TTC39B: variants seen among roughly 807,000 people sequenced by gnomAD.
The protein encoded by TTC39B is tetratricopeptide repeat protein 39B.
In TTC39B, 92 loss-of-function variants were observed where a neutral mutation model predicts 96.6. The observed-to-expected ratio is 0.95, with a 90% CI of 0.80 to 1.13. The LOEUF (loss-of-function observed/expected upper bound fraction) is 1.13, where lower values mean the gene tolerates loss of function less well. TTC39B is among the 50% of genes most tolerant of loss of function. TTC39B has a pLI of 0.00. For synonymous variants in TTC39B, 367 were observed against 299.4 expected, an observed-to-expected ratio of 1.23 and a Z score of -2.33; for missense variants, 955 against 809.3, an observed-to-expected ratio of 1.18 and a Z score of -2.18.
intron 13 of TTC39B, among the ~76,000 whole-genome samples, chr9:15,188,879 A>T (rs1818688927): frequency 1.3e-5 from 2 of 152,172 alleles, no homozygotes; most frequent in Non-Finnish European, 2.9e-5. Flanking sequence ...TGTGCACAGA[A>T]ATATACATAC....
At chr9:15,271,996 G>A (rs1273886597) in intron 1 of TTC39B, among the ~76,000 whole-genome samples, 3 of 152,188 alleles carry the variant, frequency 2.0e-5, no homozygotes, top group African/African-American at 7.2e-5. Context: ...GTGATGTGGG[G>A]TCCACGTGGA....
exon 3 of TTC39B, chr9:15,225,992 G>T (rs1821103116): frequency 6.2e-7 from 1 of 1,613,664 alleles, no homozygotes; most frequent in Non-Finnish European, 8.5e-7. Context: ...GCTGCTTGTT[G>T]CCATATCTGA....
Position 15,298,437 on chromosome 9 carries a change from C to T in TTC39B, c.240+8647G>A, listed in dbSNP as rs143478073. On this transcript the variant is annotated intron_variant, in intron 1 of 19. Transcript: ENST00000512701. ...AAAGAGGTTTAATGGACTCACATTT[C>T]CACACGGCTGGGAAAGCCTCAAAAT... Among the ~76,000 whole-genome samples, 793 of 152,310 alleles carry T rather than the reference C, an allele frequency of 5.2e-3. 6 individuals carry two copies. Among genetic ancestry groups the T allele is most frequent in the Middle Eastern group, 0.01 (3 of 294 alleles).
At chr9:15,253,862 C>T (rs1426889006) in intron 2 of TTC39B, among the ~76,000 whole-genome samples, 1 of 152,100 alleles carries the variant, frequency 6.6e-6, no homozygotes, top group East Asian at 1.9e-4. Context: ...CCTTAATTTG[C>T]TCTTAATATT....
chr9:15,243,308 G>A (rs1437994143), intron 2 of TTC39B, among the ~76,000 whole-genome samples: 1 of 152,202 alleles, frequency 6.6e-6, no homozygotes, highest in East Asian at 1.9e-4. Flanking sequence ...AACAGATGAT[G>A]TAATTTTTAA....
intron 2 of TTC39B, among the ~76,000 whole-genome samples, chr9:15,245,297 G>T (rs1822225458): frequency 6.6e-6 from 1 of 152,080 alleles, no homozygotes. Context: ...TAGATATAAG[G>T]GCTCTCCCTA....
At chr9:15,192,716 G>T in intron 8 of TTC39B, 21 bp from the exon 9 acceptor site, 2 of 1,552,170 alleles carry the variant, frequency 1.3e-6, no homozygotes, top group South Asian at 1.1e-5. Context: ...GAAAAAAAGT[G>T]ACAGCATAAG....
chr9:15,250,650 T>C (rs7045044), intron 2 of TTC39B, among the ~76,000 whole-genome samples: 3,396 of 152,334 alleles, frequency 0.022, 142 homozygotes, highest in African/African-American at 0.077. Context: ...AAATTGATAA[T>C]TGATCAACAA....
At chr9:15,172,048 G>A (rs1448910487) in exon 20 of TTC39B, 1 of 1,612,866 alleles carries the variant, frequency 6.2e-7, no homozygotes, top group South Asian at 1.1e-5. Context: ...CTCCAGAGGT[G>A]AAGAGCTGCC....
intron 4 of TTC39B, among the ~76,000 whole-genome samples, chr9:15,213,359 T>C (rs1479046378): frequency 1.3e-5 from 2 of 152,236 alleles, no homozygotes; most frequent in African/African-American, 4.8e-5. Flanking sequence ...CATTTGTTCT[T>C]AACCTGTGAA....
intron 3 of TTC39B, 64 bp from the exon 4 acceptor site, chr9:15,214,313 G>GGTGT: frequency 1.9e-6 from 2 of 1,041,882 alleles, no homozygotes; most frequent in Non-Finnish European, 2.8e-6. Flanking sequence ...TTGTCCGAAG[G>GGTGT]GAGTGTGTGT....
chr9:15,188,209 A>T, intron 13 of TTC39B, 77 bp from the exon 14 acceptor site: 2 of 1,434,042 alleles, frequency 1.4e-6, no homozygotes, highest in East Asian at 4.7e-5. Flanking sequence ...AATACATAAA[A>T]CACTTAGTAC....
At chr9:15,219,317 G>A (rs1820709476) in intron 3 of TTC39B, among the ~76,000 whole-genome samples, 1 of 152,126 alleles carries the variant, frequency 6.6e-6, no homozygotes, top group Non-Finnish European at 1.5e-5. Flanking sequence ...TTCTCCAGAA[G>A]TGTCAACCTG....
intron 13 of TTC39B, among the ~76,000 whole-genome samples, chr9:15,189,264 G>A (rs1456328312): frequency 1.3e-5 from 2 of 152,144 alleles, no homozygotes; most frequent in Non-Finnish European, 2.9e-5. Flanking sequence ...AGTGTGTAAT[G>A]CAGAAATTGG....
At chr9:15,202,284 G>A (rs1178887868) in intron 7 of TTC39B, among the ~76,000 whole-genome samples, 1 of 152,166 alleles carries the variant, frequency 6.6e-6, no homozygotes, top group Non-Finnish European at 1.5e-5. Flanking sequence ...TAAGACTGTT[G>A]TTATCAACCA....
At chr9:15,202,130 G>A (rs1283299978) in intron 7 of TTC39B, among the ~76,000 whole-genome samples, 2 of 152,050 alleles carry the variant, frequency 1.3e-5, no homozygotes, top group African/African-American at 4.8e-5. Flanking sequence ...AGGAAGAGGG[G>A]ACAAACATGG....
chr9:15,244,760 C>G (rs1419799439), intron 2 of TTC39B, among the ~76,000 whole-genome samples: 1 of 152,152 alleles, frequency 6.6e-6, no homozygotes, highest in Non-Finnish European at 1.5e-5. Context: ...CATCGCTCCA[C>G]GTTGGAATGC....
intron 8 of TTC39B, among the ~76,000 whole-genome samples, chr9:15,195,685 A>G (rs1197366533): frequency 6.6e-6 from 1 of 151,676 alleles, no homozygotes; most frequent in African/African-American, 2.4e-5. Context: ...AAAAAAAAAA[A>G]AAAAAAAAGT....
chr9:15,255,964 T>G (rs576668999), intron 2 of TTC39B, among the ~76,000 whole-genome samples: 26 of 152,334 alleles, frequency 1.7e-4, no homozygotes, highest in African/African-American at 6.3e-4. Flanking sequence ...CTGCAAATCC[T>G]AGCAGTCTAC....
Sources: gnomAD v4.1 joint callset for allele counts (sites outside exome capture counted in the v4.1 genomes callset) on GRCh38, gnomAD v4.1.1 for gene constraint, MANE v1.5 for transcripts, NCBI Gene and HGNC (gene_info 2026-07-23, HGNC 2026-07-21) for gene names.